KIAA0825: variants seen among roughly 807,000 people sequenced by gnomAD.
KIAA0825 encodes the protein uncharacterized protein KIAA0825.
Under a neutral mutation model 147.6 loss-of-function variants are expected in KIAA0825, and 119 were observed. The observed-to-expected ratio is 0.81, with a 90% CI of 0.69 to 0.94. KIAA0825 has a LOEUF of 0.94. Ranked by LOEUF, KIAA0825 falls within the 40% of genes least tolerant of loss-of-function variation. The pLI, the probability that KIAA0825 is intolerant of heterozygous loss-of-function variation, is 0.00. For missense variants in KIAA0825, 1,381 were observed against 1,472.7 expected, an observed-to-expected ratio of 0.94 and a Z score of 1.02; for synonymous variants, 470 against 518.1, an observed-to-expected ratio of 0.91 and a Z score of 1.26.
chr5:94,427,896 G>A (rs1234177781), intron 14 of KIAA0825, among the ~76,000 whole-genome samples: 1 of 152,120 alleles, frequency 6.6e-6, no homozygotes. Context: ...CCAATGTTGA[G>A]TGTGTATATA....
intron 2 of KIAA0825, among the ~76,000 whole-genome samples, chr5:94,557,841 G>A (rs541750887): frequency 1.4e-4 from 21 of 152,250 alleles, no homozygotes; most frequent in African/African-American, 1.9e-4. Context: ...TCTTGCAACT[G>A]CACTCTTTTC....
intron 7 of KIAA0825, among the ~76,000 whole-genome samples, chr5:94,474,872 G>C (rs1761670251): frequency 6.6e-6 from 1 of 152,192 alleles, no homozygotes; most frequent in African/African-American, 2.4e-5. Context: ...CAGACCACTT[G>C]AGGTCAGGAG....
intron 20 of KIAA0825, among the ~76,000 whole-genome samples, chr5:94,256,968 G>A (rs559962867): frequency 1.7e-4 from 26 of 151,752 alleles, no homozygotes; most frequent in Admixed American, 2.6e-4. Context: ...TACCTATCTC[G>A]TTCAATTTAG....
rs1307914628 is a variant in KIAA0825, at chr5:94,152,836, AAAAAAAAAAAAAAAAAAAAT to A, written c.*1151_*1170del. The A allele has an allele frequency of 2.1e-4, 6 of 29,132 alleles. No homozygotes were observed. The highest frequency in any genetic ancestry group is 7.4e-4 in the African/African-American group (6 of 8,144). The allele number at this position is 29,132 out of a possible 1,614,324, so 1.8% of individuals were successfully genotyped here. ...TTTCTAAAATGAAAAAAAAAAAAAA[AAAAAAAAAAAAAAAAAAAAT>A]TATATATATATATATATATATATAT... On this transcript the variant is annotated 3_prime_UTR_variant, in exon 21 of 21. Transcript: ENST00000682413.
intron 19 of KIAA0825, 47 bp from the exon 20 acceptor site, chr5:94,384,505 AG>A (rs992784038): frequency 1.4e-6 from 2 of 1,418,626 alleles, no homozygotes; most frequent in African/African-American, 2.8e-5. Context: ...TATTAATCAG[AG>A]TTAATATGAT....
intron 5 of KIAA0825, among the ~76,000 whole-genome samples, chr5:94,515,855 A>G (rs975415643): frequency 6.6e-6 from 1 of 152,078 alleles, no homozygotes; most frequent in African/African-American, 2.4e-5. Context: ...TTATTCAGAA[A>G]GCGTTGCTTT....
chr5:94,293,087 A>C (rs560037465), intron 20 of KIAA0825, among the ~76,000 whole-genome samples: 12 of 150,460 alleles, frequency 8.0e-5, no homozygotes, highest in African/African-American at 2.7e-4. Context: ...GATTTTTGGA[A>C]AGGTTTTACA....
rs555128741 is a variant in KIAA0825, at chr5:94,543,124, C to G, written c.-1-5997G>C. Among the ~76,000 whole-genome samples, 7 of 152,240 alleles carry G rather than the reference C, an allele frequency of 4.6e-5. No homozygotes were observed. In the South Asian group the frequency reaches 1.5e-3, roughly 32 times the overall value. On this transcript the variant is annotated intron_variant, in intron 2 of 20. Coordinates refer to ENST00000682413, the MANE Select transcript of KIAA0825 (RefSeq NM_001145678.3). ...CTCAACTCATAGGTATTTGAGGGTA[C>G]AAGCCCATGACTTGGCTTGGCTTTA...
At chr5:94,155,291 C>T (rs1253563144) in intron 20 of KIAA0825, among the ~76,000 whole-genome samples, 13 of 147,676 alleles carry the variant, frequency 8.8e-5, no homozygotes. Context: ...AACTATGGCT[C>T]ACTGCGGGCT....
intron 1 of KIAA0825, among the ~76,000 whole-genome samples, chr5:94,590,393 C>T (rs1428201386): frequency 6.6e-6 from 1 of 152,134 alleles, no homozygotes; most frequent in African/African-American, 2.4e-5. Flanking sequence ...TTCATTATCC[C>T]AAGCCAAATT....
chr5:94,356,721 A>ATTTTTTTTTTTTTTTTT (rs1156680490), intron 20 of KIAA0825, among the ~76,000 whole-genome samples: 3 of 112,544 alleles, frequency 2.7e-5, no homozygotes, highest in African/African-American at 1.1e-4. Flanking sequence ...GTTTAACTTG[A>ATTTTTTTTTTTTTTTTT]TTTCTTTTTT....
intron 15 of KIAA0825, among the ~76,000 whole-genome samples, chr5:94,409,876 A>T (rs896490611): frequency 2.0e-5 from 3 of 152,220 alleles, no homozygotes; most frequent in Non-Finnish European, 2.9e-5. Flanking sequence ...ACAATACAAC[A>T]AAATCTGTAA....
At chr5:94,380,394 C>T (rs1748234036) in intron 20 of KIAA0825, among the ~76,000 whole-genome samples, 1 of 152,148 alleles carries the variant, frequency 6.6e-6, no homozygotes, top group Non-Finnish European at 1.5e-5. Flanking sequence ...CATTCTTATT[C>T]CTCATTTGTT....
chr5:94,545,827 C>T (rs1007572575), intron 2 of KIAA0825, among the ~76,000 whole-genome samples: 22 of 152,144 alleles, frequency 1.4e-4, no homozygotes, highest in African/African-American at 4.8e-4. Context: ...TTGAGAAAAA[C>T]AGGGGGAAAA....
At chr5:94,335,318 T>C (rs1018966575) in intron 20 of KIAA0825, among the ~76,000 whole-genome samples, 2 of 152,192 alleles carry the variant, frequency 1.3e-5, no homozygotes, top group Non-Finnish European at 2.9e-5. Flanking sequence ...GAACATGCTA[T>C]ATGTCTTCAT....
At chr5:94,287,945 C>A (rs537891958) in intron 20 of KIAA0825, among the ~76,000 whole-genome samples, 56 of 152,140 alleles carry the variant, frequency 3.7e-4, no homozygotes, top group Non-Finnish European at 6.8e-4. Context: ...CAGCATTGGG[C>A]CTCTTGAGGA....
intron 20 of KIAA0825, among the ~76,000 whole-genome samples, chr5:94,328,722 T>C (rs1780958890): frequency 6.6e-6 from 1 of 151,882 alleles, no homozygotes. Flanking sequence ...TTGCTTGAAA[T>C]GCACTTTGTA....
At chr5:94,326,826 C>T (rs1158457081) in intron 20 of KIAA0825, among the ~76,000 whole-genome samples, 1 of 152,184 alleles carries the variant, frequency 6.6e-6, no homozygotes, top group Non-Finnish European at 1.5e-5. Context: ...TTTGATACCC[C>T]CTAGCGGGGG....
intron 1 of KIAA0825, among the ~76,000 whole-genome samples, chr5:94,589,067 G>T (rs1783853337): frequency 6.6e-6 from 1 of 152,084 alleles, no homozygotes; most frequent in South Asian, 2.1e-4. Context: ...AATACCTAAT[G>T]TAAAAGTGCC....
Sources: allele counts gnomAD v4.1 joint callset (sites outside exome capture counted in the v4.1 genomes callset), GRCh38; gene constraint gnomAD v4.1.1; transcripts MANE v1.5; gene names NCBI Gene and HGNC (gene_info 2026-07-23, HGNC 2026-07-21).